Variants in CACNA1B observed in about 807,000 individuals in gnomAD.
CACNA1B encodes the protein voltage-dependent N-type calcium channel subunit alpha-1B.
In CACNA1B, 70 loss-of-function variants were observed where a neutral mutation model predicts 247.2. That is an observed-to-expected ratio of 0.28 (90% confidence interval 0.23 to 0.35). The LOEUF (loss-of-function observed/expected upper bound fraction) is 0.35, where lower values mean the gene tolerates loss of function less well. CACNA1B is among the 10% of genes least tolerant of loss of function. CACNA1B has a pLI of 1.00. For synonymous variants in CACNA1B, 1,231 were observed against 1,294.4 expected (o/e 0.95, Z 1.05); for missense variants, 2,367 against 3,197.4 (o/e 0.74, Z 6.26).
intron 37 of CACNA1B, among the ~76,000 whole-genome samples, chr9:138,101,709 A>G (rs1223582290): frequency 6.6e-6 from 1 of 152,182 alleles, no homozygotes; most frequent in Non-Finnish European, 1.5e-5. Context: ...CTCTGGAGTG[A>G]TGCGCTCAGC....
At chr9:138,108,113 G>T (rs965044855) in intron 39 of CACNA1B, among the ~76,000 whole-genome samples, 1 of 151,326 alleles carries the variant, frequency 6.6e-6, no homozygotes, top group Non-Finnish European at 1.5e-5. Context: ...GAGGGAGGAG[G>T]ATCACTTGAG....
chr9:137,942,830 G>A (rs112715269), intron 6 of CACNA1B, among the ~76,000 whole-genome samples: 2 of 152,192 alleles, frequency 1.3e-5, no homozygotes, highest in African/African-American at 4.8e-5. Context: ...AAAGGGTGGG[G>A]TGAGAGATAA....
intron 42 of CACNA1B, 29 bp from the exon 43 acceptor site, chr9:138,117,917 C>T (rs201947905): frequency 1.5e-4 from 232 of 1,538,210 alleles, no homozygotes; most frequent in Non-Finnish European, 2.0e-4. Flanking sequence ...TCTGACCCTA[C>T]AGGAATCTGT....
At chr9:138,003,778 CTTT>C (rs11305081) in intron 15 of CACNA1B, among the ~76,000 whole-genome samples, 11 of 86,894 alleles carry the variant, frequency 1.3e-4, no homozygotes, top group African/African-American at 3.9e-4. Flanking sequence ...ACGGGCTTGC[CTTT>C]TTTTTTTTTT....
chr9:137,956,892 C>A, intron 9 of CACNA1B, 65 bp downstream of exon 9: 2 of 1,337,992 alleles, frequency 1.5e-6, no homozygotes, highest in Non-Finnish European at 2.1e-6. Flanking sequence ...GGTGGTGACA[C>A]GTGCCTGCTT....
At chr9:138,105,892 G>C in intron 39 of CACNA1B, 85 bp downstream of exon 39, 1 of 775,574 alleles carries the variant, frequency 1.3e-6, no homozygotes, top group Non-Finnish European at 2.2e-6. Flanking sequence ...AGGACACGCA[G>C]GGAGGAGGGT....
At chr9:138,068,574 G>GA in intron 31 of CACNA1B, 1 of 518,620 alleles carries the variant, frequency 1.9e-6, no homozygotes, top group South Asian at 1.4e-5. Flanking sequence ...GCACAGGTGG[G>GA]CTGCATTGCT....
Position 138,052,249 on chromosome 9 carries a change from C to CGTGTGTGTGT in CACNA1B, c.3807+66_3807+75dup, listed in dbSNP as rs140068697. The CGTGTGTGTGT allele has an allele frequency of 7.7e-6, 6 of 779,436 alleles. No homozygotes were observed. The African/African-American group carries it at 8.9e-5, about 12-fold the overall frequency. The allele number at this position is 779,436 out of a possible 1,614,324, so 48.3% of individuals were successfully genotyped here. A position where few individuals can be genotyped will look rare whatever the true frequency, so the allele number is the denominator to read the frequency against. ...GTGTGTGTGTGCGTGTGTGTGTGTG[C>CGTGTGTGTGT]GTGTGTGTGTGTGTATGCATGCAGT... On this transcript the variant is annotated intron_variant, in intron 25 of 46. Coordinates refer to ENST00000371372, the MANE Select transcript of CACNA1B (RefSeq NM_000718.4). The surrounding 1 kb of genome is among the most constrained non-coding windows in gnomAD (Gnocchi z 5.1).
chr9:138,078,537 C>T (rs1393792535), intron 36 of CACNA1B, among the ~76,000 whole-genome samples: 1 of 152,242 alleles, frequency 6.6e-6, no homozygotes, highest in African/African-American at 2.4e-5. Context: ...AGAAGGTCAT[C>T]CACTGTGGTG....
intron 35 of CACNA1B, among the ~76,000 whole-genome samples, chr9:138,076,581 A>C (rs926451137): frequency 9.9e-5 from 15 of 152,194 alleles, no homozygotes; most frequent in African/African-American, 3.6e-4. Context: ...GAGATGTGCC[A>C]GGAGAGGCCT....
At position 138,062,627 on chromosome 9, in the gene CACNA1B, A is replaced by G. The variant is rs116806753; in HGVS notation, c.4668+2890A>G. Among the ~76,000 whole-genome samples the G allele has an allele frequency of 9.2e-3, 1,401 of 152,270 alleles. 22 individuals are homozygous for G. The highest frequency in any genetic ancestry group is 0.032 in the African/African-American group (1,346 of 41,550). On this transcript the variant is annotated intron_variant, in intron 31 of 46. Transcript: ENST00000371372. Reference sequence around the variant, plus strand: ...GCCAGGAAGTAGGTTGGCCCCTCTCATTATGCTTCCGTTCTGTAGATGGCA... The same window carrying G: ...GCCAGGAAGTAGGTTGGCCCCTCTCGTTATGCTTCCGTTCTGTAGATGGCA...
At chr9:138,041,031 A>G (rs1959114039) in intron 20 of CACNA1B, among the ~76,000 whole-genome samples, 1 of 152,212 alleles carries the variant, frequency 6.6e-6, no homozygotes, top group Non-Finnish European at 1.5e-5. Flanking sequence ...GGATATCTTT[A>G]GATATCTTGG....
intron 5 of CACNA1B, among the ~76,000 whole-genome samples, chr9:137,915,923 T>G (rs1957405234): frequency 6.6e-6 from 1 of 152,186 alleles, no homozygotes; most frequent in South Asian, 2.1e-4. Context: ...AGGAATAAAC[T>G]TAGGTAGTCA....
rs373372807 is a variant in CACNA1B at position 138,059,932 on chromosome 9, A to G, written c.4668+195A>G. Among the ~76,000 whole-genome samples the G allele has an allele frequency of 9.8e-5, 15 of 152,320 alleles. No individual in the cohort carries two copies. The East Asian group carries it at 2.5e-3, about 25-fold the overall frequency. On this transcript the variant is annotated intron_variant, in intron 31 of 46. Coordinates refer to ENST00000371372, the MANE Select transcript of CACNA1B (RefSeq NM_000718.4). The surrounding 1 kb of genome is among the most constrained non-coding windows in gnomAD (Gnocchi z 4.2). ...CCTCAGCAGATGTTCTTTCTTGAAT[A>G]AGAAAGTGGTTCTCAAAGATCTTTT...
rs545287940 is a variant in CACNA1B at position 137,918,212 on chromosome 9, G to A, written c.966+781G>A. ...TGATTGAAGTTGAGTATAAGGCTTG[G>A]GGGGGGTGCCTGATGGCCCAGCTCC... is the stretch of plus-strand genomic sequence containing the variant. On this transcript the variant is annotated intron_variant, in intron 6 of 46. Transcript: ENST00000371372. Among the ~76,000 whole-genome samples, 51 of 151,974 alleles carry A rather than the reference G, an allele frequency of 3.4e-4. 2 individuals carry two copies. The South Asian group carries it at 7.3e-3, about 22-fold the overall frequency.
chr9:138,118,511 C>T (rs574055097), intron 43 of CACNA1B, 141 bp from the exon 44 acceptor site: 366 of 563,960 alleles, frequency 6.5e-4, no homozygotes, highest in African/African-American at 5.4e-3. Flanking sequence ...GGGTGGGGGA[C>T]GTGTGAACAG....
chr9:137,893,197 C>T (rs1957127193), intron 3 of CACNA1B, among the ~76,000 whole-genome samples: 1 of 147,248 alleles, frequency 6.8e-6, no homozygotes, highest in Non-Finnish European at 1.5e-5. Flanking sequence ...GCTCCTGAGA[C>T]ATGAAAAGGT....
rs1339253797 is a variant in CACNA1B, at chr9:137,888,317, G to A, written c.530+5434G>A. Reference sequence around the variant, plus strand: ...CCCAGCCAGTCTCACGTGCATCCACGCTCCCAGTCCTGTCCCCACGTCACT... The same window carrying A: ...CCCAGCCAGTCTCACGTGCATCCACACTCCCAGTCCTGTCCCCACGTCACT... On this transcript the variant is annotated intron_variant, in intron 3 of 46. Transcript: ENST00000371372. This position sits in a 1 kb window ranked among gnomAD's most constrained non-coding sequence, Gnocchi z 4.7. Among the ~76,000 whole-genome samples, 8 of 151,842 alleles carry A rather than the reference G, an allele frequency of 5.3e-5. No homozygotes were observed. The highest frequency in any genetic ancestry group is 3.9e-4 in the East Asian group (2 of 5,122).
Position 138,102,616 on chromosome 9 carries a change from G to A in CACNA1B, c.5223-95G>A, listed in dbSNP as rs1443387498. The A allele has an allele frequency of 8.7e-6, 5 of 574,550 alleles. No homozygotes were observed. The Admixed American group carries it at 1.2e-4, about 14-fold the overall frequency. 35.6% of individuals were successfully genotyped at this position (574,550 alleles called of 1,614,324 possible). A position where few individuals can be genotyped will look rare whatever the true frequency, so the allele number is the denominator to read the frequency against. ...CTGTTTTCTTGTCTGCTTCCTCCCT[G>A]CCCCTACCCCGCTCCCCTCCCCGCT... On this transcript the variant is annotated intron_variant, in intron 37 of 46. Transcript: ENST00000371372. This position sits in a 1 kb window ranked among gnomAD's most constrained non-coding sequence, Gnocchi z 5.4.
Sources: gnomAD v4.1 joint callset for allele counts (sites outside exome capture counted in the v4.1 genomes callset) on GRCh38, gnomAD v4.1.1 for gene constraint, Gnocchi (gnomAD v3.1) non-coding constraint, MANE v1.5 for transcripts, NCBI Gene and HGNC (gene_info 2026-07-23, HGNC 2026-07-21) for gene names.